MCM6: variants seen among roughly 807,000 people sequenced by gnomAD.
MCM6 encodes the protein minichromosome maintenance complex component 6, also known as DNA replication licensing factor MCM6.
In MCM6, 46 loss-of-function variants were observed where a neutral mutation model predicts 94.3. That is an observed-to-expected ratio of 0.49 (90% CI 0.39 to 0.62). MCM6 has a LOEUF of 0.62. Ranked by LOEUF, MCM6 falls within the 20% of genes least tolerant of loss-of-function variation. The pLI is 0.00. For synonymous variants in MCM6, 335 were observed against 351.9 expected (o/e 0.95, Z 0.54); for missense variants, 865 against 1,017.9 (o/e 0.85, Z 2.04).
chr2:135,858,136 G>C, intron 9 of MCM6, 132 bp from the exon 10 acceptor site: 1 of 777,568 alleles, frequency 1.3e-6, no homozygotes, highest in Non-Finnish European at 2.2e-6. Context: ...TGAGGTTACA[G>C]TGAGCCATGA....
In MCM6 at chr2:135,846,447, G is replaced by A. The variant is rs528400578; in HGVS notation, c.2054-55C>T. The A allele has an allele frequency of 9.6e-6, 14 of 1,454,234 alleles. No individual in the cohort carries two copies. The South Asian group carries it at 1.6e-4, about 17-fold the overall frequency. The allele number at this position is 1,454,234 out of a possible 1,614,324, so 90.1% of individuals were successfully genotyped here. A position where few individuals can be genotyped will look rare whatever the true frequency, so the allele number is the denominator to read the frequency against. On this transcript the variant is annotated intron_variant, in intron 14 of 16. Coordinates refer to ENST00000264156, the MANE Select transcript of MCM6 (RefSeq NM_005915.6). ...ATTTTTGTGCCCTTAACATCCCCTT[G>A]TCAAGCATTTACAAATACACTACTT...
At chr2:135,872,589 T>G (rs1311964986) in intron 2 of MCM6, 108 bp downstream of exon 2, 2 of 1,177,644 alleles carry the variant, frequency 1.7e-6, no homozygotes, top group African/African-American at 3.1e-5. Context: ...GGGAAATAAC[T>G]GTGAAAGCTG....
Position 135,870,374 on chromosome 2 carries a change from A to G in MCM6, c.255-13T>C, listed in dbSNP as rs759510214. On this transcript the variant is annotated splice_polypyrimidine_tract_variant and intron_variant, in intron 2 of 16. Transcript: ENST00000264156. ...GTAAGGGTAAACTCTGAAAAACAAA[A>G]AAGTCAGCTGATACCTTAGAGGTTT... The G allele has an allele frequency of 1.3e-6, 2 of 1,596,818 alleles. No homozygotes were observed. Among genetic ancestry groups the G allele is most frequent in the Admixed American group, 3.3e-5 (2 of 59,972 alleles).
At chr2:135,866,856 T>C in intron 4 of MCM6, 128 bp from the exon 5 acceptor site, 3 of 671,102 alleles carry the variant, frequency 4.5e-6, no homozygotes, top group Admixed American at 3.6e-5. Context: ...ACTTTTCACA[T>C]GTACCAACAT....
intron 1 of MCM6, among the ~76,000 whole-genome samples, chr2:135,875,364 CA>C (rs939379676): frequency 8.0e-4 from 111 of 139,174 alleles, no homozygotes; most frequent in Middle Eastern, 3.6e-3. Context: ...AATTACGCCT[CA>C]AAAAAAAAAA....
chr2:135,859,386 G>C lies in MCM6; in HGVS notation c.1277C>G (p.Ala426Gly). The change falls in exon 9 of 17, where the codon GCT becomes GGT. Residue 426 changes from alanine to glycine, a missense_variant. Transcript: ENST00000264156. Reference sequence around the variant, plus strand: ...CACAACAGCTGCTGTTAAGCCAGCAGCACTGGACGCTTTACCACTGGTGTA... The same window carrying C: ...CACAACAGCTGCTGTTAAGCCAGCACCACTGGACGCTTTACCACTGGTGTA... ...AVYTSGKASSAAGLTAAVVRD... is the reference protein window; with the variant it reads ...AVYTSGKASSGAGLTAAVVRD... The C allele has an allele frequency of 6.2e-7, 1 of 1,612,884 alleles. No individual in the cohort carries two copies. The highest frequency in any genetic ancestry group is 8.5e-7 in the Non-Finnish European group (1 of 1,178,876).
chr2:135,871,987 C>T (rs986290429), intron 2 of MCM6, among the ~76,000 whole-genome samples: 3 of 152,140 alleles, frequency 2.0e-5, no homozygotes, highest in Non-Finnish European at 4.4e-5. Flanking sequence ...ACAACAACGT[C>T]AATGCTGTAA....
chr2:135,867,801 C>T (rs1048547502), intron 4 of MCM6, among the ~76,000 whole-genome samples: 7 of 152,144 alleles, frequency 4.6e-5, no homozygotes, highest in East Asian at 3.9e-4. Flanking sequence ...CAGAGGCAGG[C>T]GGATCACGAA....
intron 2 of MCM6, 38 bp from the exon 3 acceptor site, chr2:135,870,399 T>C: frequency 7.1e-7 from 1 of 1,407,836 alleles, no homozygotes; most frequent in Non-Finnish European, 1.0e-6. Context: ...CTTAGAGGTT[T>C]ACCAAGGCCT....
At chr2:135,866,970 G>GA (rs112392599) in intron 4 of MCM6, among the ~76,000 whole-genome samples, 17 of 147,442 alleles carry the variant, frequency 1.2e-4, no homozygotes, top group Admixed American at 2.0e-4. Flanking sequence ...AAGCAGCAGA[G>GA]AAAAAAAAAA....
intron 11 of MCM6, among the ~76,000 whole-genome samples, chr2:135,856,169 A>G (rs1043476529): frequency 1.3e-5 from 2 of 152,170 alleles, no homozygotes; most frequent in African/African-American, 4.8e-5. Context: ...GGCCAGGTAC[A>G]GTGGCTCACA....
chr2:135,854,551 AG>A (rs59879844), intron 11 of MCM6, among the ~76,000 whole-genome samples: 36,025 of 62,312 alleles, frequency 0.58, 10,709 homozygotes, highest in Non-Finnish European at 0.67. Flanking sequence ...AAAAAAAAAA[AG>A]AGAAAAAGAA....
chr2:135,844,982 T>TC (rs1679643319), intron 15 of MCM6, among the ~76,000 whole-genome samples: 1 of 152,218 alleles, frequency 6.6e-6, no homozygotes, highest in Admixed American at 6.5e-5. Context: ...GGTCTTTTCT[T>TC]CATCTTCTTA....
chr2:135,874,367 T>C (rs1189697727), intron 1 of MCM6, among the ~76,000 whole-genome samples: 2 of 152,146 alleles, frequency 1.3e-5, no homozygotes, highest in African/African-American at 4.8e-5. Flanking sequence ...CAAAAAGGTG[T>C]ACAAGGTTTC....
At chr2:135,855,171 TA>T (rs1558757868) in intron 11 of MCM6, among the ~76,000 whole-genome samples, 1 of 152,060 alleles carries the variant, frequency 6.6e-6, no homozygotes, top group African/African-American at 2.4e-5. Flanking sequence ...AAAACAAAAC[TA>T]AAGAAAACAG....
In MCM6 at chr2:135,870,295, G is replaced by C; in HGVS notation, c.321C>G (p.Ala107=). Residue 107 remains alanine, a synonymous_variant, in exon 3 of 17, where the codon GCC becomes GCG. Coordinates refer to ENST00000264156, the MANE Select transcript of MCM6 (RefSeq NM_005915.6). ...CTTGGAATGCAACATAAAAATCCTT[G>C]GCAAGAGGGATCTCTTTACGGTCTT... is the stretch of plus-strand genomic sequence containing the variant. ...FVKDRKEIPL[A]KDFYVAFQDL... The C allele has an allele frequency of 6.2e-7, 1 of 1,613,836 alleles. No homozygotes were observed. Among genetic ancestry groups the C allele is most frequent in the Non-Finnish European group, 8.5e-7 (1 of 1,179,822 alleles).
rs147781154 is a variant in MCM6, at chr2:135,872,948, G to A, written c.108-105C>T. On this transcript the variant is annotated intron_variant, in intron 1 of 16. Coordinates refer to ENST00000264156, the MANE Select transcript of MCM6 (RefSeq NM_005915.6). ...AAGTCCAACAACTAGGCTCAGACAG[G>A]CCCATGTTTGGCAGTTCTGTAACTT... The A allele has an allele frequency of 4.2e-4, 579 of 1,374,686 alleles. 1 individual carries two copies. In the African/African-American group the frequency reaches 7.7e-3, roughly 18 times the overall value. 85.2% of individuals were successfully genotyped at this position (1,374,686 alleles called of 1,614,324 possible).
rs774815658 is a variant in MCM6 at position 135,851,488 on chromosome 2, T to C, written c.1831A>G (p.Lys611Glu). 6.2e-7 allele frequency: 1 copy of C among 1,613,828 alleles called. No individual in the cohort carries two copies. The part of the protein sequence containing the change: ...LRQRDGSGVT[K>E]SSWRITVRQL... ...CGCACTGTAATCCTCCATGAAGACT[T>C]GGTCACTCCAGAACCATCTCTCTGG... The change falls in exon 13 of 17, where the codon AAG becomes GAG. Residue 611 changes from lysine (K) to glutamate (E), a missense_variant. Lys to Glu is a moderately conservative substitution (Grantham distance 56). Around this residue, in one of 3 missense-constraint regions of MCM6, gnomAD observed 308 missense variants for 324.5 expected, o/e 0.95. Transcript: ENST00000264156.
Position 135,866,191 on chromosome 2 carries a change from T to C in MCM6, c.868A>G (p.Arg290Gly). The change falls in exon 6 of 17, where the codon AGG becomes GGG. Residue 290 changes from arginine to glycine, a missense_variant. Arg to Gly is a moderately radical substitution (Grantham distance 125, BLOSUM62 -2). Transcript: ENST00000264156. ...AAGACCAGCCTATAAGAAAGGTCCC[T>C]AACACCAAGGGCCCGGAGTCCTCGA... ...GIRGLRALGV[R>G]DLSYRLVFLA... The C allele has an allele frequency of 6.2e-7, 1 of 1,614,184 alleles. No individual in the cohort carries two copies. The highest frequency in any genetic ancestry group is 1.3e-5 in the African/African-American group (1 of 75,046).
Sources: allele counts gnomAD v4.1 joint callset (sites outside exome capture counted in the v4.1 genomes callset), GRCh38; gene constraint gnomAD v4.1.1; regional missense constraint gnomAD v4.1.1; transcripts MANE v1.5; gene names NCBI Gene and HGNC (gene_info 2026-07-23, HGNC 2026-07-21).